EIF2S1: variants seen among roughly 807,000 people sequenced by gnomAD.
The protein encoded by EIF2S1 is eukaryotic translation initiation factor 2 subunit 1.
EIF2S1 carries 5 observed loss-of-function variants against 33.5 expected under a neutral mutation model. The observed-to-expected ratio is 0.15, with a 90% CI of 0.08 to 0.31. The LOEUF is 0.31. Ranked by LOEUF, EIF2S1 falls within the 10% of genes least tolerant of loss-of-function variation. The pLI, the probability that EIF2S1 is intolerant of heterozygous loss-of-function variation, is 1.00. For synonymous variants in EIF2S1, 99 were observed against 127.5 expected, an observed-to-expected ratio of 0.78 and a Z score of 1.51; for missense variants, 191 against 384.6, an observed-to-expected ratio of 0.50 and a Z score of 4.21.
chr14:67,383,283 T>A (rs1343550531), intron 7 of EIF2S1, 32 bp from the exon 8 acceptor site: 1 of 1,608,290 alleles, frequency 6.2e-7, no homozygotes, highest in East Asian at 2.2e-5. Context: ...TATTTACTAC[T>A]TCAGTTTGAA....
chr14:67,361,441 T>G (rs1490174903), intron 1 of EIF2S1, among the ~76,000 whole-genome samples: 4 of 152,194 alleles, frequency 2.6e-5, no homozygotes. Flanking sequence ...TCAACTATAA[T>G]GATGAAATAA....
At chr14:67,382,677 A>G in intron 7 of EIF2S1, 87 bp downstream of exon 7, 1 of 1,479,436 alleles carries the variant, frequency 6.8e-7, no homozygotes, top group Non-Finnish European at 9.4e-7. Context: ...TCGGCCTTGG[A>G]ATGTCATATT....
intron 2 of EIF2S1, among the ~76,000 whole-genome samples, chr14:67,367,806 A>T (rs1324156743): frequency 6.6e-6 from 1 of 152,034 alleles, no homozygotes; most frequent in Non-Finnish European, 1.5e-5. Flanking sequence ...GCTGCACTCC[A>T]ACCTGGGTGA....
chr14:67,360,386 A>G lies in EIF2S1; in HGVS notation c.-72A>G, dbSNP rs982077088. 1.3e-5 allele frequency: 5 copies of G among 396,096 alleles called. No individual in the cohort carries two copies. The highest frequency in any genetic ancestry group is 1.4e-4 in the South Asian group (1 of 7,146). 24.5% of individuals were successfully genotyped at this position (396,096 alleles called of 1,614,324 possible). A position where few individuals can be genotyped will look rare whatever the true frequency, so the allele number is the denominator to read the frequency against. ...GAGGATCGGCGGCCGGTGAGGGGGA[A>G]GCAAGTCTGGTCTCTGTGATTGAAG... is the stretch of plus-strand genomic sequence containing the variant. On this transcript the variant is annotated 5_prime_UTR_variant, in exon 1 of 8. Coordinates refer to ENST00000256383, the MANE Select transcript of EIF2S1 (RefSeq NM_004094.5).
chr14:67,365,246 C>G (rs1045770321), intron 2 of EIF2S1, among the ~76,000 whole-genome samples: 3 of 152,098 alleles, frequency 2.0e-5, no homozygotes, highest in African/African-American at 7.2e-5. Flanking sequence ...AATTTTATTT[C>G]TAGTGTTTAT....
intron 2 of EIF2S1, among the ~76,000 whole-genome samples, chr14:67,371,684 A>T (rs971469174): frequency 6.6e-6 from 1 of 152,190 alleles, no homozygotes; most frequent in Non-Finnish European, 1.5e-5. Flanking sequence ...CACAGAAAAG[A>T]TACAGTAAAA....
intron 5 of EIF2S1, 32 bp from the exon 6 acceptor site, chr14:67,381,558 ATTT>A (rs746769316): frequency 1.9e-6 from 3 of 1,563,816 alleles, no homozygotes; most frequent in East Asian, 2.2e-5. Flanking sequence ...TATTTTTTGC[ATTT>A]TTTATCAACT....
At chr14:67,371,960 T>C (rs2085824643) in intron 2 of EIF2S1, among the ~76,000 whole-genome samples, 1 of 152,156 alleles carries the variant, frequency 6.6e-6, no homozygotes, top group Non-Finnish European at 1.5e-5. Context: ...GCCAGTTTGG[T>C]TTAACAGTCA....
At chr14:67,378,317 T>TC (rs1173794929) in intron 4 of EIF2S1, among the ~76,000 whole-genome samples, 65 of 143,374 alleles carry the variant, frequency 4.5e-4, no homozygotes, top group Admixed American at 1.2e-3. Flanking sequence ...CATGTGACTT[T>TC]TTTTTTTTTT....
Position 67,385,711 on chromosome 14 carries a change from G to A in EIF2S1, c.*2271G>A, listed in dbSNP as rs925702527. The A allele has an allele frequency of 7.2e-6, 1 of 137,936 alleles. No homozygotes were observed. Among genetic ancestry groups the A allele is most frequent in the Non-Finnish European group, 1.5e-5 (1 of 66,262 alleles). 8.5% of individuals were successfully genotyped at this position (137,936 alleles called of 1,614,324 possible). ...GTGTTATATTGCCTGGGCAGGTCTCGAAATCCTGGGCTCAAGCTATCCTCC... is the reference window on the plus strand; with the variant it reads ...GTGTTATATTGCCTGGGCAGGTCTCAAAATCCTGGGCTCAAGCTATCCTCC... On this transcript the variant is annotated 3_prime_UTR_variant, in exon 8 of 8. Coordinates refer to ENST00000256383, the MANE Select transcript of EIF2S1 (RefSeq NM_004094.5).
At position 67,386,142 on chromosome 14, in the gene EIF2S1, CCT is replaced by C. The variant is rs1386627556; in HGVS notation, c.*2703_*2704del. ...AAACGTAGTTTAATTCAGATGAACACCTATCGATATTCAAAAGGCAAAACAAA... is the reference window on the plus strand; with the variant it reads ...AAACGTAGTTTAATTCAGATGAACACATCGATATTCAAAAGGCAAAACAAA... On this transcript the variant is annotated 3_prime_UTR_variant, in exon 8 of 8. Coordinates refer to ENST00000256383, the MANE Select transcript of EIF2S1 (RefSeq NM_004094.5). The C allele has an allele frequency of 2.6e-5, 4 of 152,534 alleles. No homozygotes were observed. The highest frequency in any genetic ancestry group is 5.9e-5 in the Non-Finnish European group (4 of 68,042). 9.4% of individuals were successfully genotyped at this position (152,534 alleles called of 1,614,324 possible).
At chr14:67,362,414 C>T (rs958955797) in intron 1 of EIF2S1, among the ~76,000 whole-genome samples, 1 of 152,014 alleles carries the variant, frequency 6.6e-6, no homozygotes, top group African/African-American at 2.4e-5. Context: ...AATGGAAATA[C>T]CTTCTTTTTC....
In EIF2S1 at chr14:67,382,544, A is replaced by G. The variant is rs1419959522; in HGVS notation, c.776A>G (p.Lys259Arg). The G allele has an allele frequency of 1.2e-6, 2 of 1,613,986 alleles. No homozygotes were observed. The highest frequency in any genetic ancestry group is 1.7e-5 in the Admixed American group (1 of 60,014). ...SVLSQAMAVI[K>R]EKIEEKRGVF... ...CTCAGTCAAGCTATGGCTGTTATCA[A>G]AGAGAAGATTGAGGAAAAGAGGGGT... Residue 259 changes from lysine to arginine, a missense_variant, in exon 7 of 8, where the codon AAA (lysine) becomes AGA (arginine). Coordinates refer to ENST00000256383, the MANE Select transcript of EIF2S1 (RefSeq NM_004094.5).
At chr14:67,360,997 AC>A (rs2085734100) in intron 1 of EIF2S1, among the ~76,000 whole-genome samples, 1 of 151,954 alleles carries the variant, frequency 6.6e-6, no homozygotes, top group Admixed American at 6.5e-5. Context: ...TGAATGAGTC[AC>A]CCCTTGAACC....
chr14:67,379,890 G>A (rs966262745), intron 4 of EIF2S1, among the ~76,000 whole-genome samples: 1 of 151,630 alleles, frequency 6.6e-6, no homozygotes. Flanking sequence ...TCCTGACCTC[G>A]TGATCCGCCC....
At chr14:67,377,622 C>T (rs1221323083) in intron 4 of EIF2S1, among the ~76,000 whole-genome samples, 1 of 152,204 alleles carries the variant, frequency 6.6e-6, no homozygotes, top group Admixed American at 6.5e-5. Flanking sequence ...TCAAACTAGT[C>T]TTGCCACCTA....
At chr14:67,373,842 A>AGTGTGTGT (rs35163593) in intron 2 of EIF2S1, among the ~76,000 whole-genome samples, 2,277 of 145,780 alleles carry the variant, frequency 0.016, 62 homozygotes, top group African/African-American at 0.052. Flanking sequence ...TAATTTGTTC[A>AGTGTGTGT]GTGTGTGTGT....
rs899142713 is a variant in EIF2S1 at position 67,385,624 on chromosome 14, C to T, written c.*2184C>T. 2.7e-5 allele frequency: 4 copies of T among 150,026 alleles called. No homozygotes were observed. The highest frequency in any genetic ancestry group is 4.9e-5 in the African/African-American group (2 of 40,596). 9.3% of individuals were successfully genotyped at this position (150,026 alleles called of 1,614,324 possible). A position where few individuals can be genotyped will look rare whatever the true frequency, so the allele number is the denominator to read the frequency against. Reference sequence around the variant, plus strand: ...AAATTAATTGAAAATCAGTAATGGCCAGGAAGAAATATGAATATTCAAACC... The same window carrying T: ...AAATTAATTGAAAATCAGTAATGGCTAGGAAGAAATATGAATATTCAAACC... On this transcript the variant is annotated 3_prime_UTR_variant, in exon 8 of 8. Transcript: ENST00000256383.
chr14:67,380,817 C>A, intron 5 of EIF2S1, 52 bp downstream of exon 5: 1 of 994,512 alleles, frequency 1.0e-6, no homozygotes. Flanking sequence ...ATCAAAAAAG[C>A]TATTAAATAA....
Sources: gnomAD v4.1 joint callset for allele counts (sites outside exome capture counted in the v4.1 genomes callset) on GRCh38, gnomAD v4.1.1 for gene constraint, MANE v1.5 for transcripts, NCBI Gene and HGNC (gene_info 2026-07-23, HGNC 2026-07-21) for gene names.